ZNF792: variants seen among roughly 807,000 people sequenced by gnomAD.
ZNF792 encodes the protein zinc finger protein 792.
Under a neutral mutation model 13.1 loss-of-function variants are expected in ZNF792, and 14 were observed. The ratio of observed to expected loss-of-function variants is 1.07; its 90% CI spans 0.71 to 1.67. The LOEUF (loss-of-function observed/expected upper bound fraction) is 1.67. Ranked by LOEUF, ZNF792 falls within the 40% of genes most tolerant of loss-of-function variation. ZNF792 has a pLI of 0.00. For missense variants in ZNF792, 740 were observed against 807.9 expected (o/e 0.92, Z 1.02); for synonymous variants, 257 against 292.0 (o/e 0.88, Z 1.22).
rs374828984 is a variant in ZNF792 at position 34,958,715 on chromosome 19, G to A, written c.1140C>T (p.Asn380=). Residue 380 remains asparagine, a synonymous_variant, in exon 4 of 4, where the codon AAC becomes AAT. Coordinates refer to ENST00000404801, the MANE Select transcript of ZNF792 (RefSeq NM_175872.5). The part of the protein sequence containing the change: ...DCGKFFSQRS[N]LIHHKRVHTG... ...TATGAACCCTCTTATGATGAATGAG[G>A]TTGGAACGCTGGCTGAAGAACTTCC... 4 of 1,613,902 alleles carry A rather than the reference G, an allele frequency of 2.5e-6. No homozygotes were observed. Among genetic ancestry groups the A allele is most frequent in the African/African-American group, 1.3e-5 (1 of 74,868 alleles).
At position 34,960,289 on chromosome 19, in the gene ZNF792, T is replaced by A. The variant is rs1400335621; in HGVS notation, c.229A>T (p.Ser77Cys). The change falls in exon 3 of 4, where the codon AGT (serine) becomes TGT (cysteine). Residue 77 changes from serine (S) to cysteine (C), a missense_variant. Physicochemically the swap from Ser to Cys is moderately radical, Grantham distance 112 (BLOSUM62 -1). Transcript: ENST00000404801. ...EMGKEPWVPD[S>C]VDMTSAMARG... Reference sequence around the variant, plus strand: ...GCCATGGCTGATGTCATATCCACACTGTCAGGCACCCAGGGCTCTTTCCCC... The same window carrying A: ...GCCATGGCTGATGTCATATCCACACAGTCAGGCACCCAGGGCTCTTTCCCC... 1 of 1,613,964 alleles carries A rather than the reference T, an allele frequency of 6.2e-7. No homozygotes were observed. Among genetic ancestry groups the A allele is most frequent in the Admixed American group, 1.7e-5 (1 of 60,026 alleles).
intron 1 of ZNF792, among the ~76,000 whole-genome samples, chr19:34,962,075 G>A (rs565593404): frequency 6.6e-6 from 1 of 152,070 alleles, no homozygotes; most frequent in Admixed American, 6.5e-5. Flanking sequence ...ACAAGCCACA[G>A]TCCCCAAGCA....
chr19:34,960,855 G>T lies in ZNF792; in HGVS notation c.160+13C>A, dbSNP rs57906278. ...AGGAGCTCGGGACACCGGGGTAGGGGTGACAGCCTTACCCAGCGAGGCTAT... is the reference window on the plus strand; with the variant it reads ...AGGAGCTCGGGACACCGGGGTAGGGTTGACAGCCTTACCCAGCGAGGCTAT... On this transcript the variant is annotated intron_variant, in intron 2 of 3. Transcript: ENST00000404801. The T allele has an allele frequency of 6.5e-4, 1,049 of 1,613,974 alleles. 8 individuals are homozygous for T. The African/African-American group carries it at 0.012, about 18-fold the overall frequency.
Position 34,958,169 on chromosome 19 carries a change from G to T in ZNF792, c.1686C>A (p.Tyr562Ter), listed in dbSNP as rs56209916. ...HLKVHKPDRP[Y>*]ECSECGKAFN... ...AGGCTTTCCCACATTCGCTGCATTC[G>T]TAAGGCCTGTCTGGTTTGTGAACTT... is the stretch of plus-strand genomic sequence containing the variant. Residue 562 changes from tyrosine to a stop codon, truncating the protein, a stop_gained, in exon 4 of 4, where the codon TAC (tyrosine) becomes TAA (stop). Coordinates refer to ENST00000404801, the MANE Select transcript of ZNF792 (RefSeq NM_175872.5). LOFTEE classifies it low-confidence loss of function (END_TRUNC). 6.2e-7 allele frequency: 1 copy of T among 1,611,830 alleles called. No homozygotes were observed. The highest frequency in any genetic ancestry group is 8.5e-7 in the Non-Finnish European group (1 of 1,178,154).
In ZNF792 at chr19:34,963,981, C is replaced by T. The variant is rs1324575134; in HGVS notation, c.-319G>A. The T allele has an allele frequency of 2.8e-6, 1 of 351,800 alleles. No individual in the cohort carries two copies. Among genetic ancestry groups the T allele is most frequent in the African/African-American group, 2.1e-5 (1 of 46,834 alleles). 21.8% of individuals were successfully genotyped at this position (351,800 alleles called of 1,614,324 possible). On this transcript the variant is annotated 5_prime_UTR_variant, in exon 1 of 4. Coordinates refer to ENST00000404801, the MANE Select transcript of ZNF792 (RefSeq NM_175872.5). ...TCCGGGAAAGCCGGCGGGGCAGCTT[C>T]ACGGGCGTAGCCCCAGCCGCCCCGC... is the stretch of plus-strand genomic sequence containing the variant.
chr19:34,963,051 C>T (rs1038481753), intron 1 of ZNF792, among the ~76,000 whole-genome samples: 3 of 152,128 alleles, frequency 2.0e-5, no homozygotes, highest in Non-Finnish European at 4.4e-5. Context: ...TCCGGCCAGC[C>T]GCAGCACTGG....
At position 34,959,081 on chromosome 19, in the gene ZNF792, T is replaced by G. The variant is rs778198052; in HGVS notation, c.774A>C (p.Glu258Asp). The G allele has an allele frequency of 2.5e-6, 4 of 1,614,164 alleles. No individual in the cohort carries two copies. In the South Asian group the frequency reaches 4.4e-5, roughly 18 times the overall value. Residue 258 changes from glutamate (E) to aspartate (D), a missense_variant, in exon 4 of 4, where the codon GAA (glutamate) becomes GAC (aspartate). Transcript: ENST00000404801. Reference sequence around the variant, plus strand: ...ATTTGTTATTGAAGGCATCCCCAGATTCACAGCACTTGTTATGCCTTAGTG... The same window carrying G: ...ATTTGTTATTGAAGGCATCCCCAGAGTCACAGCACTTGTTATGCCTTAGTG... ...HIALRHNKCCESGDAFNNKST... is the reference protein window; with the variant it reads ...HIALRHNKCCDSGDAFNNKST...
rs986939795 is a variant in ZNF792, at chr19:34,957,826, CTT to C, written c.*128_*129del. The C allele has an allele frequency of 5.6e-6, 5 of 899,746 alleles. No individual in the cohort carries two copies. Among genetic ancestry groups the C allele is most frequent in the Non-Finnish European group, 8.3e-6 (5 of 601,234 alleles). 55.7% of individuals were successfully genotyped at this position (899,746 alleles called of 1,614,324 possible). ...AGCACAGTGGAGTGGTGGACACACT[CTT>C]TGGAGAGCTGCAGTGTGTGGTGCTG... On this transcript the variant is annotated 3_prime_UTR_variant, in exon 4 of 4. Transcript: ENST00000404801.
chr19:34,960,930 T>C lies in ZNF792; in HGVS notation c.98A>G (p.Glu33Gly). 1 of 1,613,956 alleles carries C rather than the reference T, an allele frequency of 6.2e-7. No homozygotes were observed. The highest frequency in any genetic ancestry group is 1.3e-5 in the African/African-American group (1 of 74,982). Residue 33 changes from glutamate to glycine, a missense_variant, in exon 2 of 4, where the codon GAG (glutamate) becomes GGG (glycine). Transcript: ENST00000404801. ...ATCGCAGTACAGGAGTCTCTGAGCC[T>C]CATCGAGGAGCACCCACTCCTCCTG... ...FSQEEWVLLDEAQRLLYCDVM... is the reference protein window; with the variant it reads ...FSQEEWVLLDGAQRLLYCDVM...
rs2013449671 is a variant in ZNF792 at position 34,957,540 on chromosome 19, T to A, written c.*416A>T. On this transcript the variant is annotated 3_prime_UTR_variant, in exon 4 of 4. Transcript: ENST00000404801. ...ATGAACCAGGGCAATACACAGGAGA[T>A]AAGTTGTTGTGTAGAGTAACATGAA... is the stretch of plus-strand genomic sequence containing the variant. 1 of 173,414 alleles carries A rather than the reference T, an allele frequency of 5.8e-6. No homozygotes were observed. Among genetic ancestry groups the A allele is most frequent in the African/African-American group, 2.4e-5 (1 of 41,900 alleles). The allele number at this position is 173,414 out of a possible 1,614,324, so 10.7% of individuals were successfully genotyped here.
In ZNF792 at chr19:34,958,376, G is replaced by C. The variant is rs375850853; in HGVS notation, c.1479C>G (p.Leu493=). ...CGKLFSQSSS[L]NSHRRLHTGE... is the part of the protein sequence containing the mutation. ...CAGTGTGAAGTCTCCGATGGCTATTGAGGCTGGAGCTCTGGCTAAATAACT... is the reference window on the plus strand; with the variant it reads ...CAGTGTGAAGTCTCCGATGGCTATTCAGGCTGGAGCTCTGGCTAAATAACT... The change falls in exon 4 of 4, where the codon CTC becomes CTG. Residue 493 remains leucine (L), a synonymous_variant. Coordinates refer to ENST00000404801, the MANE Select transcript of ZNF792 (RefSeq NM_175872.5). 6.2e-7 allele frequency: 1 copy of C among 1,613,472 alleles called. No individual in the cohort carries two copies. The highest frequency in any genetic ancestry group is 8.5e-7 in the Non-Finnish European group (1 of 1,179,796).
In ZNF792 at chr19:34,960,344, G is replaced by C; in HGVS notation, c.174C>G (p.Phe58Leu). 6.2e-7 allele frequency: 1 copy of C among 1,613,322 alleles called. No homozygotes were observed. Among genetic ancestry groups the C allele is most frequent in the Non-Finnish European group, 8.5e-7 (1 of 1,179,676 alleles). The change falls in exon 3 of 4, where the codon TTC becomes TTG. Residue 58 changes from phenylalanine (F) to leucine (L), a missense_variant. By Grantham distance (22) the Phe-to-Leu change is conservative (BLOSUM62 0). Coordinates refer to ENST00000404801, the MANE Select transcript of ZNF792 (RefSeq NM_175872.5). ...CCAACTGGGAAACGATGTGGGACCT[G>C]AAAGATATAAGTCCTAAGGGAAAGA... is the stretch of plus-strand genomic sequence containing the variant. ...ALIASLGLIS[F>L]RSHIVSQLEM... is the part of the protein sequence containing the mutation.
chr19:34,960,612 GT>G, intron 2 of ZNF792: 1 of 679,302 alleles, frequency 1.5e-6, no homozygotes, highest in Non-Finnish European at 2.4e-6. Context: ...GTCAGAGGTA[GT>G]CACACAGCTA....
rs2013570638 is a variant in ZNF792 at position 34,963,969 on chromosome 19, G to A, written c.-307C>T. 5 of 367,240 alleles carry A rather than the reference G, an allele frequency of 1.4e-5. No individual in the cohort carries two copies. The Admixed American group carries it at 1.4e-4, about 10-fold the overall frequency. The allele number at this position is 367,240 out of a possible 1,614,324, so 22.7% of individuals were successfully genotyped here. A position where few individuals can be genotyped will look rare whatever the true frequency, so the allele number is the denominator to read the frequency against. On this transcript the variant is annotated 5_prime_UTR_variant, in exon 1 of 4. Transcript: ENST00000404801. ...TCCCCCTCGCGGTCCGGGAAAGCCGGCGGGGCAGCTTCACGGGCGTAGCCC... is the reference window on the plus strand; with the variant it reads ...TCCCCCTCGCGGTCCGGGAAAGCCGACGGGGCAGCTTCACGGGCGTAGCCC...
intron 3 of ZNF792, among the ~76,000 whole-genome samples, 191 bp from the exon 4 acceptor site, chr19:34,959,762 T>C (rs1480734718): frequency 6.6e-6 from 1 of 152,092 alleles, no homozygotes; most frequent in Non-Finnish European, 1.5e-5. Context: ...CAGGAGGCCT[T>C]ATCAGGACCA....
At position 34,959,204 on chromosome 19, in the gene ZNF792, CT is replaced by C; in HGVS notation, c.650del (p.Lys217ArgfsTer35). 6.2e-7 allele frequency: 1 copy of C among 1,614,040 alleles called. No homozygotes were observed. On this transcript the variant is annotated frameshift_variant, in exon 4 of 4. Coordinates refer to ENST00000404801, the MANE Select transcript of ZNF792 (RefSeq NM_175872.5). LOFTEE classifies it low-confidence loss of function (END_TRUNC). ...DQLSTCREGG[K>X]DFVATAGFLQ... The stretch of plus-strand genomic sequence containing the variant: ...GAAACCCTGCTGTGGCCACAAAGTC[CT>C]TCCCACCCTCCCTGCAGGTGGAAAG...
intron 1 of ZNF792, among the ~76,000 whole-genome samples, chr19:34,963,388 G>A (rs779096185): frequency 1.3e-5 from 2 of 151,924 alleles, no homozygotes; most frequent in South Asian, 2.1e-4. Flanking sequence ...GCTGGTTCCT[G>A]TGCCTACAAA....
Position 34,963,504 on chromosome 19 carries a change from C to T in ZNF792, c.33+126G>A, listed in dbSNP as rs2013557917. On this transcript the variant is annotated intron_variant, in intron 1 of 3. Transcript: ENST00000404801. ...TGGGAGCAACTCCCTTCCAGGGTCC[C>T]CTGACTCAAAAGCAAGGAAATGGGA... is the stretch of plus-strand genomic sequence containing the variant. 12 of 1,392,234 alleles carry T rather than the reference C, an allele frequency of 8.6e-6. No individual in the cohort carries two copies. The South Asian group carries it at 1.5e-4, about 17-fold the overall frequency. 86.2% of individuals were successfully genotyped at this position (1,392,234 alleles called of 1,614,324 possible). A position where few individuals can be genotyped will look rare whatever the true frequency, so the allele number is the denominator to read the frequency against.
intron 1 of ZNF792, among the ~76,000 whole-genome samples, chr19:34,961,712 C>T (rs1434064227): frequency 6.6e-6 from 1 of 152,014 alleles, no homozygotes; most frequent in African/African-American, 2.4e-5. Context: ...CACTCACACT[C>T]ATTTAAAAAA....
Sources: gnomAD v4.1 joint callset for allele counts (sites outside exome capture counted in the v4.1 genomes callset) on GRCh38, gnomAD v4.1.1 for gene constraint, MANE v1.5 for transcripts, NCBI Gene and HGNC (gene_info 2026-07-23, HGNC 2026-07-21) for gene names.